PCLO: variants seen among roughly 807,000 people sequenced by gnomAD.
The protein encoded by PCLO is piccolo presynaptic cytomatrix protein.
A neutral mutation model predicts 427.5 loss-of-function variants in PCLO; 82 were observed. That is an observed-to-expected ratio of 0.19 (90% CI 0.16 to 0.23). PCLO has a LOEUF of 0.23. PCLO is among the 10% of genes least tolerant of loss of function. PCLO has a pLI of 1.00. For missense variants in PCLO, 6,239 were observed against 6,115.9 expected (o/e 1.02, Z -0.67); for synonymous variants, 2,357 against 2,155.4 (o/e 1.09, Z -2.59).
At chr7:82,993,097 A>G (rs978028224) in intron 3 of PCLO, among the ~76,000 whole-genome samples, 3 of 152,024 alleles carry the variant, frequency 2.0e-5, no homozygotes, top group African/African-American at 7.2e-5. Flanking sequence ...CTCTAACCAC[A>G]TATTATTGAA....
chr7:82,811,094 T>A (rs1250883481), intron 20 of PCLO, among the ~76,000 whole-genome samples: 3 of 151,656 alleles, frequency 2.0e-5, no homozygotes, highest in African/African-American at 4.8e-5. Context: ...GTAGGTAGCT[T>A]GTACTTTCCC....
intron 10 of PCLO, among the ~76,000 whole-genome samples, chr7:82,876,820 G>C (rs1793384912): frequency 6.6e-6 from 1 of 151,982 alleles, no homozygotes; most frequent in Non-Finnish European, 1.5e-5. Flanking sequence ...AATACAGCTG[G>C]AAATCATAAA....
intron 3 of PCLO, among the ~76,000 whole-genome samples, chr7:83,040,874 T>A (rs1456621467): frequency 1.3e-5 from 2 of 152,100 alleles, no homozygotes; most frequent in African/African-American, 4.8e-5. Context: ...TTCCACAACA[T>A]AAACATATAT....
intron 3 of PCLO, among the ~76,000 whole-genome samples, chr7:83,113,934 A>T (rs1054243217): frequency 7.9e-5 from 12 of 152,198 alleles, no homozygotes; most frequent in East Asian, 1.9e-4. Flanking sequence ...TTTCATATAT[A>T]AAAAAACTCA....
chr7:83,023,639 T>C (rs1788401591), intron 3 of PCLO, among the ~76,000 whole-genome samples: 1 of 152,222 alleles, frequency 6.6e-6, no homozygotes, highest in African/African-American at 2.4e-5. Flanking sequence ...GGATTACCTT[T>C]TCAGCAACAG....
rs900842532 is a variant in PCLO at position 83,034,517 on chromosome 7, G to A, written c.3301-68030C>T. Among the ~76,000 whole-genome samples the A allele has an allele frequency of 4.6e-5, 7 of 151,956 alleles. No individual in the cohort carries two copies. The East Asian group carries it at 9.7e-4, about 21-fold the overall frequency. ...GCTGTTTTCTATAAAATACTTTTGC[G>A]GAAAAAAAGAGTCAAATGTAACTTT... On this transcript the variant is annotated intron_variant, in intron 3 of 24. Coordinates refer to ENST00000333891, the MANE Select transcript of PCLO (RefSeq NM_033026.6).
chr7:82,790,065 G>A (rs1016250177), intron 22 of PCLO, among the ~76,000 whole-genome samples: 6 of 151,944 alleles, frequency 3.9e-5, no homozygotes, highest in Non-Finnish European at 8.8e-5. Context: ...AACCTCATTT[G>A]TCTTCCTAGA....
chr7:82,973,863 C>G (rs1172428879), intron 3 of PCLO, among the ~76,000 whole-genome samples: 1 of 152,044 alleles, frequency 6.6e-6, no homozygotes, highest in African/African-American at 2.4e-5. Context: ...TTGATTGATA[C>G]TCTTTTTGTG....
At chr7:82,928,550 T>C (rs1242131567) in intron 6 of PCLO, among the ~76,000 whole-genome samples, 1 of 152,046 alleles carries the variant, frequency 6.6e-6, no homozygotes, top group African/African-American at 2.4e-5. Context: ...TCGGCTAATT[T>C]TTTTTGTATT....
chr7:82,906,550 T>A (rs1794196406), intron 8 of PCLO, among the ~76,000 whole-genome samples: 1 of 152,016 alleles, frequency 6.6e-6, no homozygotes, highest in Non-Finnish European at 1.5e-5. Context: ...TTCATGTAAA[T>A]AAATGTATGT....
rs928763621 is a variant in PCLO, at chr7:83,125,797, A to G, written c.3300+8453T>C. 3.9e-5 allele frequency among the ~76,000 whole-genome samples: 6 copies of G among 152,262 alleles called. 1 individual carries two copies. Among genetic ancestry groups the G allele is most frequent in the African/African-American group, 1.4e-4 (6 of 41,524 alleles). On this transcript the variant is annotated intron_variant, in intron 3 of 24. Transcript: ENST00000333891. Reference sequence around the variant, plus strand: ...AGGAAAACCAGAGACCTTTGTTCACATGTTTATCTGCTGACCTTCTCTCCA... The same window carrying G: ...AGGAAAACCAGAGACCTTTGTTCACGTGTTTATCTGCTGACCTTCTCTCCA...
intron 3 of PCLO, among the ~76,000 whole-genome samples, chr7:82,981,141 A>G (rs1051962824): frequency 5.3e-5 from 8 of 152,064 alleles, no homozygotes; most frequent in Non-Finnish European, 8.8e-5. Flanking sequence ...GTTAAAAAAG[A>G]GTATAGGCAA....
intron 3 of PCLO, among the ~76,000 whole-genome samples, chr7:82,974,787 TA>T (rs1795980564): frequency 6.6e-6 from 1 of 152,130 alleles, no homozygotes; most frequent in South Asian, 2.1e-4. Context: ...TATTTTATTT[TA>T]TTTTTTTAGA....
chr7:82,968,069 T>C (rs565339035), intron 3 of PCLO, among the ~76,000 whole-genome samples: 3 of 152,364 alleles, frequency 2.0e-5, no homozygotes, highest in African/African-American at 7.2e-5. Context: ...CCAATTACTT[T>C]AGAAACTAAC....
chr7:82,797,858 T>C (rs1791260113), intron 22 of PCLO, among the ~76,000 whole-genome samples: 1 of 152,128 alleles, frequency 6.6e-6, no homozygotes, highest in Non-Finnish European at 1.5e-5. Context: ...GTGAATAAGG[T>C]AAAACATTAT....
chr7:82,947,630 A>G (rs759075297), intron 6 of PCLO, among the ~76,000 whole-genome samples: 5 of 152,130 alleles, frequency 3.3e-5, no homozygotes, highest in Non-Finnish European at 7.4e-5. Context: ...GTATACAACT[A>G]TTCCATATTA....
intron 3 of PCLO, among the ~76,000 whole-genome samples, chr7:83,061,788 T>G (rs1335016225): frequency 6.6e-6 from 1 of 152,176 alleles, no homozygotes; most frequent in African/African-American, 2.4e-5. Flanking sequence ...TAAAGCTAAG[T>G]ATAGTTCTGA....
intron 3 of PCLO, among the ~76,000 whole-genome samples, chr7:83,053,395 A>T (rs935612576): frequency 1.3e-5 from 2 of 151,998 alleles, no homozygotes; most frequent in Non-Finnish European, 2.9e-5. Flanking sequence ...ATTACACAGA[A>T]TTCAAACCTA....
At chr7:82,922,204 C>A (rs901888655) in intron 6 of PCLO, among the ~76,000 whole-genome samples, 3 of 151,792 alleles carry the variant, frequency 2.0e-5, no homozygotes, top group African/African-American at 4.8e-5. Flanking sequence ...TTAAAAAAAA[C>A]CCTACCATTT....
Sources: gnomAD v4.1 joint callset for allele counts (sites outside exome capture counted in the v4.1 genomes callset) on GRCh38, gnomAD v4.1.1 for gene constraint, MANE v1.5 for transcripts, NCBI Gene and HGNC (gene_info 2026-07-23, HGNC 2026-07-21) for gene names.